Variants in LDAH observed in about 807,000 individuals in gnomAD.
LDAH encodes the protein lipid droplet-associated hydrolase.
In LDAH, 26 loss-of-function variants were observed where a neutral mutation model predicts 29.6. The observed-to-expected ratio is 0.88, with a 90% confidence interval of 0.64 to 1.22. The LOEUF is 1.22. Ranked by LOEUF, LDAH falls within the 50% of genes most tolerant of loss-of-function variation. The pLI is 0.00. For missense variants in LDAH, 344 were observed against 387.3 expected (o/e 0.89, Z 0.94); for synonymous variants, 117 against 133.0 (o/e 0.88, Z 0.83).
intron 4 of LDAH, among the ~76,000 whole-genome samples, chr2:20,752,041 G>A (rs567485655): frequency 7.2e-5 from 11 of 152,014 alleles, no homozygotes; most frequent in Admixed American, 2.0e-4. Flanking sequence ...ACAGGTGTGC[G>A]CCACCACACC....
At chr2:20,692,019 T>A (rs1458969309) in intron 6 of LDAH, among the ~76,000 whole-genome samples, 2 of 152,196 alleles carry the variant, frequency 1.3e-5, no homozygotes, top group Admixed American at 6.5e-5. Context: ...TTTTCCCCAC[T>A]TTTTGGGGGG....
intron 3 of LDAH, among the ~76,000 whole-genome samples, chr2:20,780,832 A>T (rs1184783640): frequency 1.3e-5 from 2 of 151,950 alleles, no homozygotes; most frequent in African/African-American, 2.4e-5. Context: ...ATTTCTAGGG[A>T]CTGTGAGCCC....
At chr2:20,811,702 T>C (rs765494789) in intron 1 of LDAH, among the ~76,000 whole-genome samples, 8 of 151,806 alleles carry the variant, frequency 5.3e-5, no homozygotes, top group Non-Finnish European at 1.2e-4. Context: ...GCCAGGACGG[T>C]CTCGATCTCC....
intron 4 of LDAH, among the ~76,000 whole-genome samples, 189 bp downstream of exon 4, chr2:20,774,621 A>C (rs559465261): frequency 1.3e-5 from 2 of 152,240 alleles, no homozygotes; most frequent in Non-Finnish European, 2.9e-5. Context: ...TTATTCTTTG[A>C]AACATTATGA....
intron 5 of LDAH, among the ~76,000 whole-genome samples, chr2:20,713,355 C>T (rs1664909876): frequency 6.6e-6 from 1 of 152,104 alleles, no homozygotes; most frequent in African/African-American, 2.4e-5. Context: ...ATTTTGTCAC[C>T]AGGCCTGCCT....
chr2:20,750,315 T>C (rs1667887138), intron 4 of LDAH, among the ~76,000 whole-genome samples: 1 of 152,158 alleles, frequency 6.6e-6, no homozygotes, highest in South Asian at 2.1e-4. Flanking sequence ...CGTGAGCCAC[T>C]GTGCCCGGGC....
chr2:20,741,726 T>C (rs1436632405), intron 4 of LDAH, among the ~76,000 whole-genome samples: 1 of 152,184 alleles, frequency 6.6e-6, no homozygotes, highest in East Asian at 1.9e-4. Flanking sequence ...CATGCAGTAT[T>C]TGTCTTCCTG....
intron 1 of LDAH, among the ~76,000 whole-genome samples, chr2:20,813,769 TATAAAATACCTTAC>T (rs1672662550): frequency 6.6e-6 from 1 of 152,242 alleles, no homozygotes; most frequent in Admixed American, 6.5e-5. Context: ...AGTCTTTGGA[TATAAAATACCTTAC>T]TCTTTAATTT....
At position 20,733,502 on chromosome 2, in the gene LDAH, G is replaced by A. The variant is rs931167745; in HGVS notation, c.703+6469C>T. On this transcript the variant is annotated intron_variant, in intron 5 of 6. Transcript: ENST00000237822. Reference sequence around the variant, plus strand: ...GCAGCCTTGACTTCCCAGGCTCAAGGGATCCTCCTGCCTCAGTCCCCCAAC... The same window carrying A: ...GCAGCCTTGACTTCCCAGGCTCAAGAGATCCTCCTGCCTCAGTCCCCCAAC... Among the ~76,000 whole-genome samples, 4 of 151,314 alleles carry A rather than the reference G, an allele frequency of 2.6e-5. No homozygotes were observed. In the East Asian group the frequency reaches 5.8e-4, roughly 22 times the overall value.
intron 4 of LDAH, among the ~76,000 whole-genome samples, chr2:20,765,884 T>C (rs1000928259): frequency 6.6e-6 from 1 of 152,152 alleles, no homozygotes; most frequent in East Asian, 1.9e-4. Context: ...CTGTATCTTA[T>C]TGGTGAAAGT....
intron 3 of LDAH, among the ~76,000 whole-genome samples, chr2:20,778,867 T>A (rs963859296): frequency 9.9e-5 from 15 of 152,140 alleles, no homozygotes; most frequent in African/African-American, 3.4e-4. Flanking sequence ...CATTTAACTA[T>A]GTATCTGAAT....
At chr2:20,818,437 A>G (rs954310828) in intron 1 of LDAH, among the ~76,000 whole-genome samples, 1 of 152,188 alleles carries the variant, frequency 6.6e-6, no homozygotes. Context: ...ATGCATAAAC[A>G]GAATTCTTTT....
chr2:20,744,270 C>G (rs918063225), intron 4 of LDAH, among the ~76,000 whole-genome samples: 1 of 106,282 alleles, frequency 9.4e-6, no homozygotes, highest in Non-Finnish European at 2.0e-5. Context: ...GTAATTTTTT[C>G]TTGGTAGCTG....
chr2:20,727,685 T>C (rs1398153674), intron 5 of LDAH, among the ~76,000 whole-genome samples: 1 of 152,178 alleles, frequency 6.6e-6, no homozygotes, highest in Non-Finnish European at 1.5e-5. Context: ...TTAGCTTTGA[T>C]CAGAAAATCA....
chr2:20,822,374 ACCT>A (rs1356883860), intron 1 of LDAH, among the ~76,000 whole-genome samples: 2 of 151,732 alleles, frequency 1.3e-5, no homozygotes, highest in Non-Finnish European at 2.9e-5. Context: ...CGATCTCCTG[ACCT>A]CCTGATCCGC....
chr2:20,790,516 T>A (rs1670875591), intron 2 of LDAH, 118 bp from the exon 3 acceptor site: 3 of 782,286 alleles, frequency 3.8e-6, no homozygotes, highest in Non-Finnish European at 6.1e-6. Flanking sequence ...TTCTTCAGAG[T>A]ACCCAAGAGA....
chr2:20,774,987 C>G lies in LDAH; in HGVS notation c.299-8G>C. 1.3e-6 allele frequency: 2 copies of G among 1,571,734 alleles called. No homozygotes were observed. Among genetic ancestry groups the G allele is most frequent in the Non-Finnish European group, 1.7e-6 (2 of 1,155,080 alleles). ...TTTCTTGAGCGTTTGAATCTAAAAG[C>G]AAAAATATGAGCACGTTTTCATTAA... On this transcript the variant is annotated splice_region_variant and splice_polypyrimidine_tract_variant and intron_variant, in intron 3 of 6. Coordinates refer to ENST00000237822, the MANE Select transcript of LDAH (RefSeq NM_021925.4).
At chr2:20,785,183 A>G (rs775143679) in intron 3 of LDAH, among the ~76,000 whole-genome samples, 5 of 152,184 alleles carry the variant, frequency 3.3e-5, no homozygotes, top group Non-Finnish European at 7.4e-5. Context: ...TCTAATCTCT[A>G]TCGCTTTCCC....
At chr2:20,687,352 C>T (rs1406656247) in intron 6 of LDAH, among the ~76,000 whole-genome samples, 2 of 152,180 alleles carry the variant, frequency 1.3e-5, no homozygotes, top group African/African-American at 4.8e-5. Flanking sequence ...TTCACTGAAA[C>T]GACTTACCAG....
Sources: allele counts gnomAD v4.1 joint callset (sites outside exome capture counted in the v4.1 genomes callset), GRCh38; gene constraint gnomAD v4.1.1; transcripts MANE v1.5; gene names NCBI Gene and HGNC (gene_info 2026-07-23, HGNC 2026-07-21).